Variants in SLC8A1 observed in about 807,000 individuals in gnomAD.
SLC8A1 encodes the protein sodium/calcium exchanger 1.
Under a neutral mutation model 68.3 loss-of-function variants are expected in SLC8A1, and 18 were observed. That is an observed-to-expected ratio of 0.26 (90% CI 0.18 to 0.39). The LOEUF (loss-of-function observed/expected upper bound fraction) is 0.39. Ranked by LOEUF, SLC8A1 falls within the 10% of genes least tolerant of loss-of-function variation. The pLI, the probability that SLC8A1 is intolerant of heterozygous loss-of-function variation, is 1.00. For synonymous variants in SLC8A1, 475 were observed against 415.5 expected, an observed-to-expected ratio of 1.14 and a Z score of -1.74; for missense variants, 985 against 1,156.7, an observed-to-expected ratio of 0.85 and a Z score of 2.15.
intron 6 of SLC8A1, among the ~76,000 whole-genome samples, chr2:40,141,357 G>A (rs947511281): frequency 6.6e-6 from 1 of 152,198 alleles, no homozygotes; most frequent in Admixed American, 6.5e-5. Context: ...TTTGTCCTCT[G>A]TCATTTTACA....
intron 2 of SLC8A1, among the ~76,000 whole-genome samples, chr2:40,201,674 C>G (rs2054385398): frequency 1.3e-5 from 2 of 151,830 alleles, no homozygotes; most frequent in African/African-American, 4.8e-5. Context: ...GGCAGAGAGT[C>G]ACAAAACTGG....
intron 2 of SLC8A1, among the ~76,000 whole-genome samples, chr2:40,315,157 G>C (rs543029124): frequency 2.0e-5 from 3 of 152,014 alleles, no homozygotes; most frequent in Non-Finnish European, 2.9e-5. Flanking sequence ...GGTTGAAGAA[G>C]TTCCCACTAT....
At chr2:40,129,010 C>T (rs1290825413) in intron 7 of SLC8A1, among the ~76,000 whole-genome samples, 1 of 152,042 alleles carries the variant, frequency 6.6e-6, no homozygotes, top group Non-Finnish European at 1.5e-5. Flanking sequence ...CTGTAAATGG[C>T]CGTGAGGCAT....
In SLC8A1 at chr2:40,400,172, G is replaced by T. The variant is rs183238473; in HGVS notation, c.1808+28301C>A. Among the ~76,000 whole-genome samples the T allele has an allele frequency of 2.3e-3, 349 of 152,266 alleles. 2 individuals carry two copies. Among genetic ancestry groups the T allele is most frequent in the Non-Finnish European group, 3.3e-3 (224 of 68,028 alleles). On this transcript the variant is annotated intron_variant, in intron 2 of 7. Transcript: ENST00000406785. Reference sequence around the variant, plus strand: ...CTCACTCGGTGAGCTCGGCTCTTGAGACAGGAGTCTTGCCGATGCCCCCGG... The same window carrying T: ...CTCACTCGGTGAGCTCGGCTCTTGATACAGGAGTCTTGCCGATGCCCCCGG...
At chr2:40,222,688 C>A (rs1222394283) in intron 2 of SLC8A1, among the ~76,000 whole-genome samples, 1 of 151,936 alleles carries the variant, frequency 6.6e-6, no homozygotes, top group Non-Finnish European at 1.5e-5. Context: ...AAAAAACAGC[C>A]CCATCAAAAA....
chr2:40,297,166 C>A (rs1209550532), intron 2 of SLC8A1, among the ~76,000 whole-genome samples: 1 of 152,090 alleles, frequency 6.6e-6, no homozygotes, highest in African/African-American at 2.4e-5. Flanking sequence ...GACATTATAT[C>A]CTATTCATCC....
At chr2:40,200,565 C>A (rs2054168860) in intron 2 of SLC8A1, among the ~76,000 whole-genome samples, 1 of 151,454 alleles carries the variant, frequency 6.6e-6, no homozygotes. Context: ...CTCTTAGCCC[C>A]CTTATCATTG....
chr2:40,118,327 C>T (rs2035954717), intron 7 of SLC8A1: 1 of 152,188 alleles, frequency 6.6e-6, no homozygotes, highest in Non-Finnish European at 1.5e-5. Flanking sequence ...TTCAGGTGGC[C>T]CTGTTCCTTT....
chr2:40,357,981 G>T (rs940318520), intron 2 of SLC8A1, among the ~76,000 whole-genome samples: 5 of 144,854 alleles, frequency 3.5e-5, no homozygotes, highest in African/African-American at 1.3e-4. Flanking sequence ...TATAAAAAGG[G>T]ATAAAGGGAA....
intron 1 of SLC8A1, among the ~76,000 whole-genome samples, chr2:40,488,070 C>A (rs1705083775): frequency 6.6e-6 from 1 of 151,914 alleles, no homozygotes; most frequent in African/African-American, 2.4e-5. Flanking sequence ...AAATGAGTAT[C>A]TGAGTAAAAG....
chr2:40,320,070 T>G (rs57065072), intron 2 of SLC8A1, among the ~76,000 whole-genome samples: 1,543 of 152,208 alleles, frequency 0.01, 29 homozygotes, highest in African/African-American at 0.035. Flanking sequence ...ACTCAATAAA[T>G]ATTGGTATTT....
intron 5 of SLC8A1, among the ~76,000 whole-genome samples, chr2:40,162,858 C>T (rs1051997486): frequency 6.6e-6 from 1 of 152,140 alleles, no homozygotes; most frequent in African/African-American, 2.4e-5. Context: ...AATAAGAACT[C>T]AGTGGGTAAA....
At chr2:40,156,130 T>C (rs1006825853) in intron 6 of SLC8A1, among the ~76,000 whole-genome samples, 3 of 152,354 alleles carry the variant, frequency 2.0e-5, no homozygotes, top group East Asian at 1.9e-4. Flanking sequence ...GGGCAAGATA[T>C]GCTTTTCCAT....
chr2:40,436,260 G>A (rs1019963808), intron 1 of SLC8A1, among the ~76,000 whole-genome samples: 1 of 152,144 alleles, frequency 6.6e-6, no homozygotes, highest in Non-Finnish European at 1.5e-5. Context: ...AATGAGTAAA[G>A]TAATGCTCAC....
chr2:40,443,487 T>C (rs1216353158), intron 1 of SLC8A1, among the ~76,000 whole-genome samples: 4 of 152,200 alleles, frequency 2.6e-5, no homozygotes, highest in African/African-American at 7.2e-5. Context: ...ATTACCCTTC[T>C]CTGTAACAGG....
At chr2:40,439,514 A>G (rs1002353026) in intron 1 of SLC8A1, among the ~76,000 whole-genome samples, 3 of 152,224 alleles carry the variant, frequency 2.0e-5, no homozygotes, top group African/African-American at 7.2e-5. Context: ...GCCTCTTGGA[A>G]CTGGGGATGT....
intron 2 of SLC8A1, among the ~76,000 whole-genome samples, chr2:40,364,447 A>T (rs1675444374): frequency 8.5e-6 from 1 of 117,904 alleles, no homozygotes; most frequent in Non-Finnish European, 1.7e-5. Flanking sequence ...ATGGCAAGTA[A>T]AACAAAAAAA....
At chr2:40,237,367 G>A (rs2060537326) in intron 2 of SLC8A1, among the ~76,000 whole-genome samples, 1 of 151,850 alleles carries the variant, frequency 6.6e-6, no homozygotes, top group African/African-American at 2.4e-5. Context: ...ATCTTCCATT[G>A]CTGACACCCT....
chr2:40,509,901 C>T (rs1706609441), intron 1 of SLC8A1, among the ~76,000 whole-genome samples: 1 of 152,008 alleles, frequency 6.6e-6, no homozygotes, highest in African/African-American at 2.4e-5. Context: ...ATCTCTGCCT[C>T]CCAGCAATCT....
Sources: allele counts gnomAD v4.1 joint callset (sites outside exome capture counted in the v4.1 genomes callset), GRCh38; gene constraint gnomAD v4.1.1; transcripts MANE v1.5; gene names NCBI Gene and HGNC (gene_info 2026-07-23, HGNC 2026-07-21).